The following TMEM106B variants were observed in gnomAD, a reference collection of about 807,000 sequenced individuals.
TMEM106B encodes the protein transmembrane protein 106B.
TMEM106B carries 15 observed loss-of-function variants against 31.1 expected under a neutral mutation model. The observed-to-expected ratio is 0.48, with a 90% CI of 0.32 to 0.74. The LOEUF is 0.74. Ranked by LOEUF, TMEM106B falls within the 30% of genes least tolerant of loss-of-function variation. The pLI is 0.03. For missense variants in TMEM106B, 283 were observed against 327.3 expected, an observed-to-expected ratio of 0.86 and a Z score of 1.04; for synonymous variants, 126 against 112.5, an observed-to-expected ratio of 1.12 and a Z score of -0.76.
chr7:12,224,009 G>A (rs1336868205), intron 3 of TMEM106B, among the ~76,000 whole-genome samples: 1 of 152,010 alleles, frequency 6.6e-6, no homozygotes, highest in Non-Finnish European at 1.5e-5. Context: ...GTGAGCCACC[G>A]CATCCCGCCG....
At chr7:12,227,497 C>T (rs1421724953) in intron 4 of TMEM106B, among the ~76,000 whole-genome samples, 5 of 152,016 alleles carry the variant, frequency 3.3e-5, no homozygotes, top group Non-Finnish European at 5.9e-5. Context: ...TACAAATGCA[C>T]ATTTCAACTG....
Position 12,218,449 on chromosome 7 carries a change from C to T in TMEM106B, c.218-9C>T. On this transcript the variant is annotated splice_polypyrimidine_tract_variant and intron_variant, in intron 2 of 7. Transcript: ENST00000396668. ...TAGTAATTTCTGAACTTACTTCTTT[C>T]ACATTTAGGGCAAGAAAACCAACTG... is the stretch of plus-strand genomic sequence containing the variant. 1 of 1,609,714 alleles carries T rather than the reference C, an allele frequency of 6.2e-7. No homozygotes were observed. Among genetic ancestry groups the T allele is most frequent in the Non-Finnish European group, 8.5e-7 (1 of 1,177,676 alleles).
chr7:12,217,596 T>C (rs954924250), intron 2 of TMEM106B, among the ~76,000 whole-genome samples: 2 of 152,150 alleles, frequency 1.3e-5, no homozygotes, highest in African/African-American at 2.4e-5. Context: ...GGTTGTAGTT[T>C]TAGCCAGATG....
rs1782252374 is a variant in TMEM106B at position 12,242,528 on chromosome 7, A to T, written c.*10553A>T. 1 of 152,156 alleles carries T rather than the reference A, an allele frequency of 6.6e-6. No individual in the cohort carries two copies. Among genetic ancestry groups the T allele is most frequent in the Admixed American group, 6.6e-5 (1 of 15,256 alleles). 9.4% of individuals were successfully genotyped at this position (152,156 alleles called of 1,614,324 possible). A position where few individuals can be genotyped will look rare whatever the true frequency, so the allele number is the denominator to read the frequency against. ...ACTGATATCTGTAACAACCTATGTAAAGTTAAGATTAAGGTTAAATCACAT... is the reference window on the plus strand; with the variant it reads ...ACTGATATCTGTAACAACCTATGTATAGTTAAGATTAAGGTTAAATCACAT... On this transcript the variant is annotated 3_prime_UTR_variant, in exon 8 of 8. Transcript: ENST00000396668.
intron 4 of TMEM106B, 114 bp from the exon 5 acceptor site, chr7:12,229,565 A>C (rs1002285282): frequency 3.5e-6 from 3 of 859,320 alleles, no homozygotes. Flanking sequence ...TTTTGGTATT[A>C]CTTTCTTTTT....
rs1337462897 is a variant in TMEM106B, at chr7:12,232,018, T to G, written c.*43T>G. ...TTTAAAGAAGAAATATCTATTGATA[T>G]TTCCTATACTCTCAATGAAGAGGTA... is the stretch of plus-strand genomic sequence containing the variant. On this transcript the variant is annotated 3_prime_UTR_variant, in exon 8 of 8. Transcript: ENST00000396668. 1 of 1,577,714 alleles carries G rather than the reference T, an allele frequency of 6.3e-7. No homozygotes were observed. The highest frequency in any genetic ancestry group is 8.7e-7 in the Non-Finnish European group (1 of 1,154,574).
intron 4 of TMEM106B, among the ~76,000 whole-genome samples, chr7:12,226,845 T>A (rs1013890038): frequency 6.6e-6 from 1 of 152,196 alleles, no homozygotes; most frequent in African/African-American, 2.4e-5. Context: ...TAAATTGTTT[T>A]ATGCAACTGG....
rs1359011374 is a variant in TMEM106B, at chr7:12,239,148, A to G, written c.*7173A>G. The G allele has an allele frequency of 6.6e-6, 1 of 152,212 alleles. No individual in the cohort carries two copies. Among genetic ancestry groups the G allele is most frequent in the African/African-American group, 2.4e-5 (1 of 41,470 alleles). 9.4% of individuals were successfully genotyped at this position (152,212 alleles called of 1,614,324 possible). The stretch of plus-strand genomic sequence containing the variant: ...GGTAACTTACTGCAGGTTCTCCATC[A>G]GCACTTACTGCTTCACCTTGCACTT... On this transcript the variant is annotated 3_prime_UTR_variant, in exon 8 of 8. Transcript: ENST00000396668.
At chr7:12,231,547 A>C in intron 7 of TMEM106B, 1 of 276,884 alleles carries the variant, frequency 3.6e-6, no homozygotes, top group Non-Finnish European at 6.7e-6. Flanking sequence ...TGATAAGAGA[A>C]CCATGGTCAC....
rs947011659 is a variant in TMEM106B, at chr7:12,241,495, T to C, written c.*9520T>C. The C allele has an allele frequency of 1.3e-5, 2 of 152,146 alleles. No individual in the cohort carries two copies. The highest frequency in any genetic ancestry group is 2.4e-5 in the African/African-American group (1 of 41,430). The allele number at this position is 152,146 out of a possible 1,614,324, so 9.4% of individuals were successfully genotyped here. On this transcript the variant is annotated 3_prime_UTR_variant, in exon 8 of 8. Transcript: ENST00000396668. ...CAACTCCCACTTATGAGTGGCAACA[T>C]GTGCTGTTTGGTTTTCTGTTCCTGT...
At chr7:12,231,790 T>G in intron 7 of TMEM106B, 47 bp from the exon 8 acceptor site, 1 of 1,491,738 alleles carries the variant, frequency 6.7e-7, no homozygotes, top group Non-Finnish European at 9.1e-7. Flanking sequence ...ATGGAAAAAC[T>G]TCTAATATAA....
rs1185586629 is a variant in TMEM106B at position 12,239,787 on chromosome 7, GC to G, written c.*7814del. On this transcript the variant is annotated 3_prime_UTR_variant, in exon 8 of 8. Coordinates refer to ENST00000396668, the MANE Select transcript of TMEM106B (RefSeq NM_001134232.2). ...GCCTTACATGGGTATGGTTCATGCT[GC>G]CTCCAAATACTTACAAAAACATCAA... 6.6e-6 allele frequency: 1 copy of G among 151,986 alleles called. No individual in the cohort carries two copies. The highest frequency in any genetic ancestry group is 1.5e-5 in the Non-Finnish European group (1 of 67,982). The allele number at this position is 151,986 out of a possible 1,614,324, so 9.4% of individuals were successfully genotyped here. A position where few individuals can be genotyped will look rare whatever the true frequency, so the allele number is the denominator to read the frequency against.
At chr7:12,213,202 TAGTG>T (rs1296117736) in intron 1 of TMEM106B, among the ~76,000 whole-genome samples, 1 of 152,224 alleles carries the variant, frequency 6.6e-6, no homozygotes, top group Non-Finnish European at 1.5e-5. Flanking sequence ...TTTTTGAAGT[TAGTG>T]TTCTAAATTT....
In TMEM106B at chr7:12,236,295, T is replaced by C. The variant is rs1329354865; in HGVS notation, c.*4320T>C. The stretch of plus-strand genomic sequence containing the variant: ...CAAGTGATTAAAGTTACTAAAGAGA[T>C]AAAAATGGTAATTTCCATTTTTAAA... On this transcript the variant is annotated 3_prime_UTR_variant, in exon 8 of 8. Coordinates refer to ENST00000396668, the MANE Select transcript of TMEM106B (RefSeq NM_001134232.2). 6.6e-6 allele frequency: 1 copy of C among 151,948 alleles called. No homozygotes were observed. Among genetic ancestry groups the C allele is most frequent in the East Asian group, 1.9e-4 (1 of 5,196 alleles). The allele number at this position is 151,948 out of a possible 1,614,324, so 9.4% of individuals were successfully genotyped here.
At chr7:12,217,988 A>G (rs1017848105) in intron 2 of TMEM106B, among the ~76,000 whole-genome samples, 2 of 152,132 alleles carry the variant, frequency 1.3e-5, no homozygotes, top group African/African-American at 4.8e-5. Flanking sequence ...TTAAAGCTTG[A>G]GACTTCTACT....
intron 3 of TMEM106B, among the ~76,000 whole-genome samples, chr7:12,223,514 T>G (rs1199924492): frequency 1.3e-5 from 2 of 151,350 alleles, no homozygotes; most frequent in African/African-American, 2.4e-5. Flanking sequence ...CTAAGATGGT[T>G]CTGATGAGCA....
Position 12,241,127 on chromosome 7 carries a change from T to C in TMEM106B, c.*9152T>C, listed in dbSNP as rs984133049. On this transcript the variant is annotated 3_prime_UTR_variant, in exon 8 of 8. Coordinates refer to ENST00000396668, the MANE Select transcript of TMEM106B (RefSeq NM_001134232.2). ...AATGATATATTGGAAACCACTGATT[T>C]CTTATTTTCATTTCATGAATTTCAG... The C allele has an allele frequency of 5.9e-5, 9 of 152,232 alleles. No individual in the cohort carries two copies. The highest frequency in any genetic ancestry group is 2.2e-4 in the African/African-American group (9 of 41,470). 9.4% of individuals were successfully genotyped at this position (152,232 alleles called of 1,614,324 possible).
intron 3 of TMEM106B, among the ~76,000 whole-genome samples, chr7:12,220,517 A>G (rs140185149): frequency 1.3e-3 from 203 of 152,312 alleles, no homozygotes; most frequent in African/African-American, 4.8e-3. Flanking sequence ...ACCTTTAAAC[A>G]TTTGAAAAGA....
In TMEM106B at chr7:12,241,326, C is replaced by G. The variant is rs761163892; in HGVS notation, c.*9351C>G. The G allele has an allele frequency of 6.6e-6, 1 of 151,926 alleles. No homozygotes were observed. Among genetic ancestry groups the G allele is most frequent in the African/African-American group, 2.4e-5 (1 of 41,350 alleles). The allele number at this position is 151,926 out of a possible 1,614,324, so 9.4% of individuals were successfully genotyped here. A position where few individuals can be genotyped will look rare whatever the true frequency, so the allele number is the denominator to read the frequency against. On this transcript the variant is annotated 3_prime_UTR_variant, in exon 8 of 8. Transcript: ENST00000396668. ...TGCAGGTTTGTTACATAGGTATACA[C>G]GTGCCATGTTGGTTTGCTGCACCCA... is the stretch of plus-strand genomic sequence containing the variant.
Sources: allele counts gnomAD v4.1 joint callset (sites outside exome capture counted in the v4.1 genomes callset), GRCh38; gene constraint gnomAD v4.1.1; transcripts MANE v1.5; gene names NCBI Gene and HGNC (gene_info 2026-07-23, HGNC 2026-07-21).